STXBP6: variants seen among roughly 807,000 people sequenced by gnomAD.
STXBP6 encodes the protein syntaxin-binding protein 6.
Under a neutral mutation model 26.9 loss-of-function variants are expected in STXBP6, and 21 were observed. That is an observed-to-expected ratio of 0.78 (90% confidence interval 0.55 to 1.12). STXBP6 has a LOEUF of 1.12. STXBP6 is among the 50% of genes most tolerant of loss of function. The pLI, the probability that STXBP6 is intolerant of heterozygous loss-of-function variation, is 0.00. For synonymous variants in STXBP6, 97 were observed against 92.6 expected (o/e 1.05, Z -0.27); for missense variants, 232 against 257.9 (o/e 0.90, Z 0.69).
intron 1 of STXBP6, among the ~76,000 whole-genome samples, chr14:24,996,691 A>G (rs1005308796): frequency 1.3e-5 from 2 of 151,670 alleles, no homozygotes; most frequent in Non-Finnish European, 2.9e-5. Context: ...GTCTCTACTA[A>G]AAAAAATTAT....
intron 1 of STXBP6, among the ~76,000 whole-genome samples, chr14:24,983,663 A>G (rs2074255832): frequency 6.6e-6 from 1 of 152,224 alleles, no homozygotes; most frequent in Non-Finnish European, 1.5e-5. Context: ...GTCTACCATT[A>G]AAAATAAAGA....
intron 2 of STXBP6, among the ~76,000 whole-genome samples, chr14:24,892,731 T>G (rs2139550653): frequency 6.6e-6 from 1 of 152,304 alleles, no homozygotes; most frequent in South Asian, 2.1e-4. Context: ...GTTCCCACAC[T>G]GGCTCCATCT....
chr14:24,930,880 G>A (rs1285060340), intron 2 of STXBP6, among the ~76,000 whole-genome samples: 1 of 151,198 alleles, frequency 6.6e-6, no homozygotes, highest in Non-Finnish European at 1.5e-5. Context: ...GGGAGGCCGA[G>A]GCGGGTGGAT....
At chr14:25,017,898 A>T (rs769511840) in intron 1 of STXBP6, among the ~76,000 whole-genome samples, 3 of 152,080 alleles carry the variant, frequency 2.0e-5, no homozygotes, top group Non-Finnish European at 2.9e-5. Context: ...TCTGCTTGCT[A>T]TCCAGTAGCT....
Position 25,012,609 on chromosome 14 carries a change from A to G in STXBP6, c.-33+37269T>C, listed in dbSNP as rs985488828. 3.3e-5 allele frequency among the ~76,000 whole-genome samples: 5 copies of G among 152,202 alleles called. No homozygotes were observed. In the East Asian group the frequency reaches 9.6e-4, roughly 29 times the overall value. ...AGCAAGGCTCTGTCTCAAAAACAAA[A>G]AAACAAACAAACAAACAAAAAAACA... is the stretch of plus-strand genomic sequence containing the variant. On this transcript the variant is annotated intron_variant, in intron 1 of 5. Coordinates refer to ENST00000323944, the MANE Select transcript of STXBP6 (RefSeq NM_001394410.1).
intron 2 of STXBP6, among the ~76,000 whole-genome samples, chr14:24,901,551 C>A (rs1476747355): frequency 6.6e-6 from 1 of 152,088 alleles, no homozygotes; most frequent in African/African-American, 2.4e-5. Context: ...CATATGTTCA[C>A]AAAGAATAAT....
chr14:24,818,930 G>A, intron 5 of STXBP6, 107 bp downstream of exon 5: 1 of 1,410,920 alleles, frequency 7.1e-7, no homozygotes, highest in Non-Finnish European at 9.5e-7. Context: ...AGGGGAAATA[G>A]CTTAATTTTA....
chr14:24,993,337 C>A (rs375221148), intron 1 of STXBP6, among the ~76,000 whole-genome samples: 21 of 152,162 alleles, frequency 1.4e-4, no homozygotes, highest in East Asian at 1.3e-3. Flanking sequence ...CTTTCTCAAT[C>A]CCTCTCCCTC....
At chr14:24,950,015 T>C (rs1301956169) in intron 2 of STXBP6, among the ~76,000 whole-genome samples, 5 of 152,220 alleles carry the variant, frequency 3.3e-5, no homozygotes, top group African/African-American at 1.2e-4. Flanking sequence ...CCATTCTGGT[T>C]CTGGAGGCTT....
intron 4 of STXBP6, among the ~76,000 whole-genome samples, chr14:24,852,790 T>C (rs1884475459): frequency 6.6e-6 from 1 of 152,130 alleles, no homozygotes; most frequent in Non-Finnish European, 1.5e-5. Flanking sequence ...TTCCCAGCAA[T>C]TCATATACAA....
chr14:24,900,496 C>T (rs2071171984), intron 2 of STXBP6, among the ~76,000 whole-genome samples: 1 of 152,210 alleles, frequency 6.6e-6, no homozygotes, highest in African/African-American at 2.4e-5. Context: ...CCAAAATAAA[C>T]TCCAGGCTTC....
chr14:24,871,566 C>T (rs1057130629), intron 2 of STXBP6, among the ~76,000 whole-genome samples: 1 of 152,134 alleles, frequency 6.6e-6, no homozygotes, highest in Non-Finnish European at 1.5e-5. Flanking sequence ...CCAAAGGTTA[C>T]AAGAACACTC....
intron 4 of STXBP6, 62 bp downstream of exon 4, chr14:24,855,874 T>C (rs2069310965): frequency 6.7e-7 from 1 of 1,496,748 alleles, no homozygotes; most frequent in African/African-American, 1.4e-5. Flanking sequence ...AACTCCTAAC[T>C]TCTTAAGTAA....
intron 1 of STXBP6, among the ~76,000 whole-genome samples, chr14:24,989,454 TAAAC>T (rs1025882237): frequency 1.3e-5 from 2 of 152,122 alleles, no homozygotes; most frequent in African/African-American, 2.4e-5. Context: ...GGCATCAAAA[TAAAC>T]AAAAAACAAG....
At chr14:24,985,004 C>T (rs1004065700) in intron 1 of STXBP6, among the ~76,000 whole-genome samples, 2 of 152,194 alleles carry the variant, frequency 1.3e-5, no homozygotes, top group Admixed American at 1.3e-4. Context: ...AACTGCTTTA[C>T]ACTTTTGCCT....
chr14:24,916,315 A>G (rs2071763474), intron 2 of STXBP6, among the ~76,000 whole-genome samples: 2 of 152,134 alleles, frequency 1.3e-5, no homozygotes, highest in Admixed American at 6.6e-5. Context: ...AAATCTATAA[A>G]TCAGCCAGTT....
chr14:24,902,736 A>T (rs972305287), intron 2 of STXBP6, among the ~76,000 whole-genome samples: 6 of 152,206 alleles, frequency 3.9e-5, no homozygotes, highest in African/African-American at 1.4e-4. Flanking sequence ...TAAGAAAGTT[A>T]ATCAGAAATA....
At chr14:24,970,093 C>A (rs1352852519) in intron 2 of STXBP6, among the ~76,000 whole-genome samples, 1 of 151,958 alleles carries the variant, frequency 6.6e-6, no homozygotes, top group African/African-American at 2.4e-5. Context: ...AATACAAAAT[C>A]AGTTGGGTGC....
chr14:24,836,578 G>A (rs1392724059), intron 4 of STXBP6, among the ~76,000 whole-genome samples: 1 of 117,320 alleles, frequency 8.5e-6, no homozygotes, highest in African/African-American at 3.4e-5. Flanking sequence ...TAGCTTGCCA[G>A]CTTAGGTGAC....
Sources: gnomAD v4.1 joint callset for allele counts (sites outside exome capture counted in the v4.1 genomes callset) on GRCh38, gnomAD v4.1.1 for gene constraint, MANE v1.5 for transcripts, NCBI Gene and HGNC (gene_info 2026-07-23, HGNC 2026-07-21) for gene names.